SEMA4D: variants seen among roughly 807,000 people sequenced by gnomAD.
SEMA4D encodes the protein semaphorin 4D.
In SEMA4D, 22 loss-of-function variants were observed where a neutral mutation model predicts 74.8. The observed-to-expected ratio is 0.29, with a 90% CI of 0.21 to 0.42. The LOEUF (loss-of-function observed/expected upper bound fraction) is 0.42, where lower values mean the gene tolerates loss of function less well. SEMA4D is among the 10% of genes least tolerant of loss of function. The probability of loss-of-function intolerance (pLI) is 1.00; values close to 1 mark genes in which losing one functional copy is unlikely to be tolerated. For synonymous variants in SEMA4D, 445 were observed against 463.7 expected, an observed-to-expected ratio of 0.96 and a Z score of 0.52; for missense variants, 937 against 1,118.4, an observed-to-expected ratio of 0.84 and a Z score of 2.31.
downstream of SEMA4D, among the ~76,000 whole-genome samples, chr9:89,372,247 T>G (rs1835149019): frequency 1.1e-5 from 1 of 92,098 alleles, no homozygotes; most frequent in Admixed American, 1.3e-4. Flanking sequence ...GTGGTGTGTC[T>G]GGGCTGTGGT....
rs112558461 is a variant in SEMA4D, at chr9:89,440,238, G to A, written c.-244+15650C>T. On this transcript the variant is annotated intron_variant, in intron 2 of 15. Transcript: ENST00000422704. ...CAGACCCAGTTGAGGCTCCCTCCCC[G>A]CCCCTGCCAGGAAGCAGTGACCACA... Among the ~76,000 whole-genome samples the A allele has an allele frequency of 6.0e-3, 919 of 152,016 alleles. 8 individuals carry two copies. Among genetic ancestry groups the A allele is most frequent in the African/African-American group, 0.021 (861 of 41,462 alleles).
chr9:89,386,720 C>T, intron 12 of SEMA4D: 2 of 425,738 alleles, frequency 4.7e-6, no homozygotes, highest in South Asian at 2.4e-5. Flanking sequence ...ATAAACTGTT[C>T]CATGGTTGAC....
At chr9:89,414,334 T>C (rs1845220963) in intron 2 of SEMA4D, among the ~76,000 whole-genome samples, 1 of 152,220 alleles carries the variant, frequency 6.6e-6, no homozygotes, top group African/African-American at 2.4e-5. Flanking sequence ...GGCTTATTTC[T>C]TATCTCAGGG....
chr9:89,478,587 T>C (rs757103383), intron 1 of SEMA4D, among the ~76,000 whole-genome samples: 3 of 152,168 alleles, frequency 2.0e-5, no homozygotes, highest in Non-Finnish European at 4.4e-5. Flanking sequence ...TGAAAAGGGA[T>C]TGTTTCCTTC....
intron 3 of SEMA4D, among the ~76,000 whole-genome samples, chr9:89,403,493 C>A (rs1313714392): frequency 9.2e-5 from 14 of 152,210 alleles, no homozygotes; most frequent in Admixed American, 9.2e-4. Context: ...AAAATCTTCA[C>A]AAAATTTCTT....
intron 5 of SEMA4D, among the ~76,000 whole-genome samples, chr9:89,397,665 G>C (rs1365680154): frequency 6.6e-6 from 1 of 152,172 alleles, no homozygotes; most frequent in African/African-American, 2.4e-5. Context: ...CACACCCCCG[G>C]AAACCGGAGC....
intron 2 of SEMA4D, among the ~76,000 whole-genome samples, chr9:89,446,693 C>T (rs1051101935): frequency 1.3e-5 from 2 of 152,144 alleles, no homozygotes; most frequent in Non-Finnish European, 1.5e-5. Context: ...CCATCCTGGA[C>T]CCTGGTGGCC....
downstream of SEMA4D, chr9:89,376,707 G>A (rs1039260931): frequency 3.8e-5 from 51 of 1,342,222 alleles, no homozygotes; most frequent in Non-Finnish European, 4.5e-5. Context: ...CCCGAGGGAC[G>A]CAGCCAGGAC....
At chr9:89,438,599 T>C (rs763949724) in intron 2 of SEMA4D, among the ~76,000 whole-genome samples, 1 of 152,246 alleles carries the variant, frequency 6.6e-6, no homozygotes, top group Non-Finnish European at 1.5e-5. Context: ...GTGTTAGGGA[T>C]ATTTGAGGCA....
At chr9:89,384,257 C>A (rs574276561) in intron 13 of SEMA4D, among the ~76,000 whole-genome samples, 7 of 152,136 alleles carry the variant, frequency 4.6e-5, no homozygotes, top group Non-Finnish European at 8.8e-5. Context: ...AAGGGATGAA[C>A]GCACACACAA....
At chr9:89,410,135 G>C (rs892617882) in intron 2 of SEMA4D, among the ~76,000 whole-genome samples, 1 of 152,074 alleles carries the variant, frequency 6.6e-6, no homozygotes, top group Non-Finnish European at 1.5e-5. Flanking sequence ...TGATTTCTGT[G>C]GTGTAAATGC....
rs1397988764 is a variant in SEMA4D, at chr9:89,391,345, G to C, written c.693C>G (p.Val231=). ...PDSPDGEDDR[V]YFFFTEVSVE... ...CAGACACCTCCGTGAAGAAGAAGTA[G>C]ACCCTGTCATCCTCGCCGTCGGGGC... Residue 231 remains valine (V), a synonymous_variant, in exon 9 of 16, where the codon GTC becomes GTG. Transcript: ENST00000422704. 6.2e-7 allele frequency: 1 copy of C among 1,614,244 alleles called. No homozygotes were observed. Among genetic ancestry groups the C allele is most frequent in the Non-Finnish European group, 8.5e-7 (1 of 1,180,038 alleles).
chr9:89,437,359 C>A (rs1587880696), intron 2 of SEMA4D, among the ~76,000 whole-genome samples: 1 of 152,142 alleles, frequency 6.6e-6, no homozygotes. Flanking sequence ...GTGAGTATTG[C>A]CCAATCTTGG....
chr9:89,420,290 G>T (rs1039320279), intron 2 of SEMA4D, among the ~76,000 whole-genome samples: 1 of 152,134 alleles, frequency 6.6e-6, no homozygotes, highest in Non-Finnish European at 1.5e-5. Flanking sequence ...TTCTTTCTCA[G>T]CGTGCAACCC....
chr9:89,416,876 C>A (rs1307036818), intron 2 of SEMA4D, among the ~76,000 whole-genome samples: 2 of 152,224 alleles, frequency 1.3e-5, no homozygotes, highest in African/African-American at 4.8e-5. Context: ...CGATTTTTCA[C>A]ATGCTAATCC....
chr9:89,414,777 T>C (rs981384087), intron 2 of SEMA4D, among the ~76,000 whole-genome samples: 5 of 152,152 alleles, frequency 3.3e-5, no homozygotes, highest in Admixed American at 3.3e-4. Flanking sequence ...CCTGGACCTG[T>C]GTTGGGCCGG....
At chr9:89,496,190 G>A (rs13298567) in intron 1 of SEMA4D, among the ~76,000 whole-genome samples, 28,558 of 152,118 alleles carry the variant, frequency 0.19, 2,878 homozygotes, top group East Asian at 0.32. Context: ...AGGCACTCAG[G>A]GGGGTCTGTG....
intron 15 of SEMA4D, 71 bp from the exon 16 acceptor site, chr9:89,379,700 C>T: frequency 2.0e-6 from 3 of 1,495,184 alleles, no homozygotes; most frequent in Non-Finnish European, 2.7e-6. Flanking sequence ...CTTTAAAATA[C>T]CCACAAGATG....
chr9:89,459,032 T>G (rs893640574), intron 1 of SEMA4D, among the ~76,000 whole-genome samples: 7 of 152,204 alleles, frequency 4.6e-5, no homozygotes, highest in Non-Finnish European at 7.4e-5. Context: ...CCAAGGGAGC[T>G]GCAGCCCAGC....
Sources: allele counts gnomAD v4.1 joint callset (sites outside exome capture counted in the v4.1 genomes callset), GRCh38; gene constraint gnomAD v4.1.1; transcripts MANE v1.5; gene names NCBI Gene and HGNC (gene_info 2026-07-23, HGNC 2026-07-21).